AGBL4: variants seen among roughly 807,000 people sequenced by gnomAD.
AGBL4 encodes cytosolic carboxypeptidase 6.
A neutral mutation model predicts 66.4 loss-of-function variants in AGBL4; 58 were observed. The observed-to-expected ratio is 0.87, with a 90% CI of 0.71 to 1.09. The LOEUF is 1.09. Among genes scored for constraint, AGBL4 ranks in the 50% least tolerant of loss-of-function variants. The pLI is 0.00. For missense variants in AGBL4, 579 were observed against 631.0 expected (o/e 0.92, Z 0.88); for synonymous variants, 234 against 222.9 (o/e 1.05, Z -0.44).
intron 6 of AGBL4, among the ~76,000 whole-genome samples, chr1:48,781,411 T>G (rs1237458473): frequency 6.6e-6 from 1 of 152,226 alleles, no homozygotes; most frequent in African/African-American, 2.4e-5. Context: ...AGGGCGCCTC[T>G]TCCACCCTAC....
chr1:49,038,224 ATTC>A (rs1664816804), intron 5 of AGBL4, among the ~76,000 whole-genome samples: 3 of 152,212 alleles, frequency 2.0e-5, no homozygotes, highest in African/African-American at 7.2e-5. Flanking sequence ...CTCACATAAT[ATTC>A]TTCTGACCAA....
At chr1:49,878,027 G>C (rs1388399493) in intron 1 of AGBL4, among the ~76,000 whole-genome samples, 1 of 151,786 alleles carries the variant, frequency 6.6e-6, no homozygotes, top group Non-Finnish European at 1.5e-5. Context: ...ATTTTTTATT[G>C]TGTCTCTTTG....
chr1:48,745,557 C>G (rs990007999), intron 6 of AGBL4, among the ~76,000 whole-genome samples: 1 of 152,182 alleles, frequency 6.6e-6, no homozygotes, highest in Non-Finnish European at 1.5e-5. Context: ...TCCACACATA[C>G]ACCATTCTTT....
intron 1 of AGBL4, among the ~76,000 whole-genome samples, chr1:49,853,875 A>T (rs1646366083): frequency 6.6e-6 from 1 of 152,082 alleles, no homozygotes; most frequent in Admixed American, 6.5e-5. Flanking sequence ...TATTTTAAGA[A>T]AAATAAAAGC....
At position 48,736,584 on chromosome 1, in the gene AGBL4, T is replaced by A; in HGVS notation, c.635-73343A>T. 2.6e-6 allele frequency: 2 copies of A among 771,732 alleles called. No homozygotes were observed. The highest frequency in any genetic ancestry group is 4.2e-6 in the Non-Finnish European group (2 of 476,812). 47.8% of individuals were successfully genotyped at this position (771,732 alleles called of 1,614,324 possible). A position where few individuals can be genotyped will look rare whatever the true frequency, so the allele number is the denominator to read the frequency against. On this transcript the variant is annotated intron_variant, in intron 6 of 13. Coordinates refer to ENST00000371839, the MANE Select transcript of AGBL4 (RefSeq NM_032785.4). The surrounding 1 kb of genome is among the most constrained non-coding windows in gnomAD (Gnocchi z 4.0). ...TCATAAATATGAAATTAACTCTCTT[T>A]AAGGGTAATCGTAATAGCTATCATC...
chr1:49,326,728 T>A (rs752954478), intron 3 of AGBL4, among the ~76,000 whole-genome samples: 19 of 152,152 alleles, frequency 1.2e-4, no homozygotes, highest in Non-Finnish European at 2.5e-4. Flanking sequence ...TAGATGAGCA[T>A]AAGGAGGCAT....
At chr1:48,579,915 C>CAAAAA (rs35518235) in intron 11 of AGBL4, among the ~76,000 whole-genome samples, 6 of 65,726 alleles carry the variant, frequency 9.1e-5, no homozygotes, top group Admixed American at 1.8e-4. Context: ...GACTCCGCCT[C>CAAAAA]AAAAAAAAAA....
intron 1 of AGBL4, among the ~76,000 whole-genome samples, chr1:49,868,714 C>T (rs1261073881): frequency 4.6e-5 from 7 of 152,068 alleles, no homozygotes; most frequent in African/African-American, 7.2e-5. Context: ...ATGATGAAAA[C>T]GTCAAAAGCA....
intron 3 of AGBL4, among the ~76,000 whole-genome samples, chr1:49,357,098 A>G (rs1281887273): frequency 6.6e-6 from 1 of 152,224 alleles, no homozygotes; most frequent in Admixed American, 6.5e-5. Context: ...CCTAATGGGC[A>G]AAGGTGGCAT....
intron 4 of AGBL4, among the ~76,000 whole-genome samples, chr1:49,224,444 C>G (rs930248990): frequency 6.6e-6 from 1 of 151,654 alleles, no homozygotes; most frequent in African/African-American, 2.4e-5. Flanking sequence ...GGTGAAACCC[C>G]AACTCTACTA....
chr1:49,895,529 T>C (rs560962608), intron 1 of AGBL4, among the ~76,000 whole-genome samples: 33 of 151,932 alleles, frequency 2.2e-4, no homozygotes, highest in African/African-American at 7.7e-4. Context: ...AATAGAAACA[T>C]AGTACAATAA....
At chr1:49,070,727 C>G (rs543934850) in intron 4 of AGBL4, among the ~76,000 whole-genome samples, 1 of 152,010 alleles carries the variant, frequency 6.6e-6, no homozygotes, top group East Asian at 1.9e-4. Context: ...GTTTTGGTAT[C>G]AAGATGATGC....
intron 1 of AGBL4, among the ~76,000 whole-genome samples, chr1:49,874,753 A>G (rs1298732387): frequency 1.3e-5 from 2 of 152,106 alleles, no homozygotes. Context: ...AAATAAGAAA[A>G]TGGTTCATGT....
At chr1:49,739,505 C>T (rs1394583608) in intron 2 of AGBL4, among the ~76,000 whole-genome samples, 1 of 152,158 alleles carries the variant, frequency 6.6e-6, no homozygotes, top group Non-Finnish European at 1.5e-5. Context: ...AGGAGAACTT[C>T]CCCAATCTAG....
intron 3 of AGBL4, among the ~76,000 whole-genome samples, chr1:49,553,374 G>A (rs1653125026): frequency 6.6e-6 from 1 of 152,188 alleles, no homozygotes; most frequent in Non-Finnish European, 1.5e-5. Context: ...TTCTCATGGT[G>A]GATGAGACCA....
At chr1:49,549,578 C>A (rs1290993266) in intron 3 of AGBL4, among the ~76,000 whole-genome samples, 1 of 152,066 alleles carries the variant, frequency 6.6e-6, no homozygotes, top group Admixed American at 6.5e-5. Context: ...TTTCCATGTA[C>A]TTGCATGGCT....
At chr1:49,424,252 A>G (rs1377270715) in intron 3 of AGBL4, among the ~76,000 whole-genome samples, 1 of 152,202 alleles carries the variant, frequency 6.6e-6, no homozygotes, top group African/African-American at 2.4e-5. Flanking sequence ...GAAACAAACA[A>G]AGAAACAAAC....
At chr1:49,719,489 C>T (rs1156802671) in intron 2 of AGBL4, among the ~76,000 whole-genome samples, 1 of 152,090 alleles carries the variant, frequency 6.6e-6, no homozygotes, top group Non-Finnish European at 1.5e-5. Context: ...TGTTTGTGAT[C>T]GTGGCTCACC....
At chr1:48,813,442 A>G (rs1458727411) in intron 6 of AGBL4, among the ~76,000 whole-genome samples, 1 of 152,214 alleles carries the variant, frequency 6.6e-6, no homozygotes, top group African/African-American at 2.4e-5. Context: ...TTGTAAGCAC[A>G]TGGCATTAGG....
Sources: gnomAD v4.1 joint callset for allele counts (sites outside exome capture counted in the v4.1 genomes callset) on GRCh38, gnomAD v4.1.1 for gene constraint, Gnocchi (gnomAD v3.1) non-coding constraint, MANE v1.5 for transcripts, NCBI Gene and HGNC (gene_info 2026-07-23, HGNC 2026-07-21) for gene names.